MSRA: variants seen among roughly 807,000 people sequenced by gnomAD.
MSRA encodes mitochondrial peptide methionine sulfoxide reductase.
MSRA carries 54 observed loss-of-function variants against 31.3 expected under a neutral mutation model. The ratio of observed to expected loss-of-function variants is 1.73; its 90% CI spans 1.39 to 2.17. MSRA has a LOEUF of 2.17. MSRA is among the 30% of genes most tolerant of loss of function. The pLI is 0.00. For missense variants in MSRA, 507 were observed against 300.9 expected, an observed-to-expected ratio of 1.69 and a Z score of -5.07; for synonymous variants, 169 against 116.5, an observed-to-expected ratio of 1.45 and a Z score of -2.90.
intron 3 of MSRA, among the ~76,000 whole-genome samples, chr8:10,261,938 A>T (rs1410355843): frequency 3.3e-5 from 5 of 152,196 alleles, no homozygotes; most frequent in African/African-American, 1.2e-4. Flanking sequence ...CAGAATGTCA[A>T]GCAGCTGTGT....
chr8:10,331,946 G>T (rs988851178), intron 5 of MSRA, among the ~76,000 whole-genome samples: 2 of 152,192 alleles, frequency 1.3e-5, no homozygotes, highest in Admixed American at 6.5e-5. Context: ...AGAATGCAAG[G>T]ATACGGAGGG....
chr8:10,218,905 G>C (rs1303790477), intron 2 of MSRA, among the ~76,000 whole-genome samples: 1 of 152,214 alleles, frequency 6.6e-6, no homozygotes, highest in South Asian at 2.1e-4. Flanking sequence ...AAAGCAAGAA[G>C]CAGGCACACT....
intron 1 of MSRA, among the ~76,000 whole-genome samples, chr8:10,082,026 A>AC (rs1467560739): frequency 1.3e-5 from 2 of 151,710 alleles, no homozygotes; most frequent in Non-Finnish European, 2.9e-5. Context: ...ACAAAGTGAG[A>AC]CCCCCAACAG....
intron 3 of MSRA, among the ~76,000 whole-genome samples, chr8:10,292,464 G>C (rs1800292922): frequency 6.6e-6 from 1 of 152,236 alleles, no homozygotes; most frequent in Admixed American, 6.5e-5. Context: ...GGCAGGGCCG[G>C]GTGTGGAAGG....
intron 1 of MSRA, among the ~76,000 whole-genome samples, chr8:10,142,305 A>G (rs1030182767): frequency 2.6e-5 from 4 of 151,992 alleles, no homozygotes; most frequent in East Asian, 1.9e-4. Context: ...CTCTAGGCCA[A>G]CGAGGTAGGT....
chr8:10,068,577 C>T (rs920443122), intron 1 of MSRA, among the ~76,000 whole-genome samples: 7 of 152,168 alleles, frequency 4.6e-5, no homozygotes, highest in Non-Finnish European at 8.8e-5. Flanking sequence ...TTTTCTCCAT[C>T]GTATTGCCTT....
chr8:10,249,135 A>G (rs1392367369), intron 3 of MSRA, among the ~76,000 whole-genome samples: 1 of 151,980 alleles, frequency 6.6e-6, no homozygotes. Flanking sequence ...AAGTTGTATC[A>G]CTAACCTCGT....
In MSRA at chr8:10,112,032, GT is replaced by G. The variant is rs35107647; in HGVS notation, c.142+57384del. ...TCTTTATTTTTCTTTTTAAGACTCA[GT>G]TTTTTTTTTGACTTAGTTTTAAATT... On this transcript the variant is annotated intron_variant, in intron 1 of 5. Coordinates refer to ENST00000317173, the MANE Select transcript of MSRA (RefSeq NM_012331.5). Among the ~76,000 whole-genome samples, 797 of 106,466 alleles carry G rather than the reference GT, an allele frequency of 7.5e-3. 8 individuals are homozygous for G. The highest frequency in any genetic ancestry group is 0.012 in the Non-Finnish European group (544 of 46,726). The allele number at this position is 106,466 out of a possible 152,430, so 69.8% of individuals were successfully genotyped here.
chr8:10,368,930 C>T (rs1410194601), intron 5 of MSRA, among the ~76,000 whole-genome samples: 1 of 152,142 alleles, frequency 6.6e-6, no homozygotes, highest in Non-Finnish European at 1.5e-5. Context: ...TCTCCAAGAG[C>T]TTAGCAAGAA....
intron 1 of MSRA, among the ~76,000 whole-genome samples, chr8:10,205,873 A>C (rs56208959): frequency 0.013 from 2,003 of 152,188 alleles, 37 homozygotes; most frequent in African/African-American, 0.045. Context: ...ACATTTCTGT[A>C]TCTCTCTCAA....
At chr8:10,095,301 G>T (rs1206440590) in intron 1 of MSRA, among the ~76,000 whole-genome samples, 2 of 152,158 alleles carry the variant, frequency 1.3e-5, no homozygotes, top group African/African-American at 4.8e-5. Context: ...ATGGCTTCTA[G>T]TACTCCATTA....
chr8:10,274,803 TCATC>T (rs1458109018), intron 3 of MSRA, among the ~76,000 whole-genome samples: 1 of 151,768 alleles, frequency 6.6e-6, no homozygotes, highest in Non-Finnish European at 1.5e-5. Context: ...ATCTAACCAT[TCATC>T]CATCCATCTA....
intron 1 of MSRA, among the ~76,000 whole-genome samples, chr8:10,125,162 G>C (rs1563124232): frequency 6.6e-6 from 1 of 152,228 alleles, no homozygotes; most frequent in Non-Finnish European, 1.5e-5. Flanking sequence ...ATTGTAATGG[G>C]TGTGACGGCT....
intron 1 of MSRA, among the ~76,000 whole-genome samples, chr8:10,194,888 G>C: frequency 6.6e-6 from 1 of 152,208 alleles, no homozygotes; most frequent in East Asian, 1.9e-4. Flanking sequence ...AAAGACTGGA[G>C]ATGTTTAAAA....
At chr8:10,200,942 T>C (rs1808440973) in intron 1 of MSRA, among the ~76,000 whole-genome samples, 1 of 152,090 alleles carries the variant, frequency 6.6e-6, no homozygotes. Flanking sequence ...GTCAGTGTCC[T>C]TGAGGGGCCC....
chr8:10,328,054 G>GTTTTTTTTTTTTTTTTTTTTTTTTTT (rs1563356091), intron 5 of MSRA, among the ~76,000 whole-genome samples: 1 of 58,946 alleles, frequency 1.7e-5, no homozygotes, highest in Non-Finnish European at 2.9e-5. Context: ...TTTTTTTTTA[G>GTTTTTTTTTTTTTTTTTTTTTTTTTT]TATCAGTGAC....
chr8:10,283,371 G>A (rs1199068009), intron 3 of MSRA, among the ~76,000 whole-genome samples: 1 of 152,112 alleles, frequency 6.6e-6, no homozygotes, highest in Non-Finnish European at 1.5e-5. Context: ...AGCAGCTAAA[G>A]CTGCTTCGTG....
chr8:10,410,380 C>T (rs1808083176), intron 5 of MSRA, among the ~76,000 whole-genome samples: 2 of 152,206 alleles, frequency 1.3e-5, no homozygotes, highest in African/African-American at 2.4e-5. Flanking sequence ...TGGCCAGGCC[C>T]TTGACGCTCC....
intron 5 of MSRA, among the ~76,000 whole-genome samples, chr8:10,401,564 A>T (rs1162859557): frequency 6.6e-6 from 1 of 152,186 alleles, no homozygotes; most frequent in Non-Finnish European, 1.5e-5. Context: ...ACGCCTATGT[A>T]TATATCCAGC....
Sources: gnomAD v4.1 joint callset for allele counts (sites outside exome capture counted in the v4.1 genomes callset) on GRCh38, gnomAD v4.1.1 for gene constraint, MANE v1.5 for transcripts, NCBI Gene and HGNC (gene_info 2026-07-23, HGNC 2026-07-21) for gene names.